The following FBXO25 variants were observed in gnomAD, a reference collection of about 807,000 sequenced individuals.
FBXO25 encodes F-box only protein 25.
FBXO25 carries 45 observed loss-of-function variants against 51.9 expected under a neutral mutation model. That is an observed-to-expected ratio of 0.87 (90% CI 0.68 to 1.11). FBXO25 has a LOEUF of 1.11. FBXO25 is among the 50% of genes most tolerant of loss of function. The pLI is 0.00. For synonymous variants in FBXO25, 199 were observed against 151.0 expected (o/e 1.32, Z -2.33); for missense variants, 507 against 428.5 (o/e 1.18, Z -1.62).
intron 7 of FBXO25, among the ~76,000 whole-genome samples, chr8:453,961 T>G (rs1406950176): frequency 6.6e-6 from 1 of 152,050 alleles, no homozygotes; most frequent in East Asian, 1.9e-4. Flanking sequence ...CTGTCTTTAC[T>G]AAAAATACAA....
chr8:457,026 T>TGC (rs147095439), intron 7 of FBXO25, among the ~76,000 whole-genome samples: 5,990 of 152,276 alleles, frequency 0.039, 330 homozygotes, highest in African/African-American at 0.12. Flanking sequence ...GTGCTTTGTG[T>TGC]GCAGTAGGAT....
chr8:453,492 A>G (rs1269575432), intron 7 of FBXO25, among the ~76,000 whole-genome samples: 8 of 152,176 alleles, frequency 5.3e-5, no homozygotes, highest in Admixed American at 1.3e-4. Flanking sequence ...TGAAACCAGT[A>G]GAAAGAGCAC....
chr8:407,511 G>A lies in FBXO25; in HGVS notation c.-8+445G>A, dbSNP rs910667581. 9.1e-5 allele frequency: 83 copies of A among 907,496 alleles called. 2 individuals carry two copies. The African/African-American group carries it at 1.5e-3, about 16-fold the overall frequency. The allele number at this position is 907,496 out of a possible 1,614,324, so 56.2% of individuals were successfully genotyped here. ...GGGGCCGCCCACAGGTGCACCGCGCGTCCTCAGCCGCTTCCCCTGCCCACC... is the reference window on the plus strand; with the variant it reads ...GGGGCCGCCCACAGGTGCACCGCGCATCCTCAGCCGCTTCCCCTGCCCACC... On this transcript the variant is annotated intron_variant, in intron 1 of 9. Transcript: ENST00000350302.
intron 2 of FBXO25, among the ~76,000 whole-genome samples, chr8:419,269 T>C (rs1398663355): frequency 2.1e-4 from 32 of 151,856 alleles, no homozygotes. Context: ...CTCAGGAAGC[T>C]GAGTCATGAG....
rs1800488466 is a variant in FBXO25, at chr8:471,620, C to G, written c.*2816C>G. 6.6e-6 allele frequency: 1 copy of G among 152,228 alleles called. No homozygotes were observed. The highest frequency in any genetic ancestry group is 1.5e-5 in the Non-Finnish European group (1 of 68,030). 9.4% of individuals were successfully genotyped at this position (152,228 alleles called of 1,614,324 possible). A position where few individuals can be genotyped will look rare whatever the true frequency, so the allele number is the denominator to read the frequency against. On this transcript the variant is annotated 3_prime_UTR_variant, in exon 10 of 10. Transcript: ENST00000350302. ...GATAGAATCTCCAGTCATTCTCGGACCTGTTCTCAGTCTGCGCTGCTCACT... is the reference window on the plus strand; with the variant it reads ...GATAGAATCTCCAGTCATTCTCGGAGCTGTTCTCAGTCTGCGCTGCTCACT...
intron 2 of FBXO25, among the ~76,000 whole-genome samples, chr8:426,271 AT>A (rs1220491754): frequency 3.3e-5 from 5 of 152,194 alleles, no homozygotes; most frequent in African/African-American, 1.2e-4. Flanking sequence ...CTCATAAAAA[AT>A]ATGTGTGACT....
intron 2 of FBXO25, among the ~76,000 whole-genome samples, chr8:413,884 T>C (rs990426767): frequency 2.0e-5 from 3 of 152,204 alleles, no homozygotes; most frequent in African/African-American, 7.2e-5. Flanking sequence ...AACCAGAGAC[T>C]GCATGAGCAC....
intron 5 of FBXO25, among the ~76,000 whole-genome samples, chr8:447,182 C>T (rs192069441): frequency 2.7e-4 from 41 of 152,294 alleles, no homozygotes; most frequent in African/African-American, 9.6e-4. Context: ...GGGAGGACCA[C>T]TGACAGCAAA....
chr8:460,692 TCACA>T (rs1033140337), intron 8 of FBXO25, among the ~76,000 whole-genome samples: 1 of 152,202 alleles, frequency 6.6e-6, no homozygotes, highest in African/African-American at 2.4e-5. Context: ...AACACTGGTG[TCACA>T]CACAGTCAGT....
At chr8:410,178 T>C (rs931284821) in intron 1 of FBXO25, among the ~76,000 whole-genome samples, 2 of 152,200 alleles carry the variant, frequency 1.3e-5, no homozygotes, top group Non-Finnish European at 2.9e-5. Flanking sequence ...AGTTACAAGA[T>C]TGTGGACATA....
intron 2 of FBXO25, among the ~76,000 whole-genome samples, chr8:426,756 G>C (rs1430808062): frequency 2.6e-5 from 4 of 151,680 alleles, no homozygotes; most frequent in Non-Finnish European, 5.9e-5. Flanking sequence ...TCTGTGCACA[G>C]TGCAGTTGCT....
chr8:428,203 G>C (rs555227229), intron 2 of FBXO25, among the ~76,000 whole-genome samples: 19 of 152,146 alleles, frequency 1.2e-4, no homozygotes, highest in Admixed American at 3.9e-4. Context: ...CCTGTCCTTG[G>C]GATTGTCAGA....
intron 2 of FBXO25, among the ~76,000 whole-genome samples, chr8:429,637 G>T (rs186079807): frequency 1.2e-4 from 19 of 152,294 alleles, no homozygotes; most frequent in Admixed American, 3.9e-4. Flanking sequence ...TTACCTGACA[G>T]TGTAAAACCC....
intron 8 of FBXO25, among the ~76,000 whole-genome samples, chr8:459,138 T>G (rs972145099): frequency 6.6e-6 from 1 of 152,272 alleles, no homozygotes. Context: ...CTGCAGAAAC[T>G]GGGGGTTCCC....
chr8:465,927 A>G (rs1392644236), intron 9 of FBXO25, among the ~76,000 whole-genome samples: 1 of 152,166 alleles, frequency 6.6e-6, no homozygotes, highest in Non-Finnish European at 1.5e-5. Context: ...GTATTTAGTG[A>G]ACTTTGTTAT....
chr8:414,391 G>A (rs1021352657), intron 2 of FBXO25, among the ~76,000 whole-genome samples: 23 of 152,110 alleles, frequency 1.5e-4, no homozygotes, highest in African/African-American at 5.5e-4. Context: ...GAAATGTCAG[G>A]TGTCTCACAT....
chr8:454,755 G>A (rs1799309544), intron 7 of FBXO25, among the ~76,000 whole-genome samples: 2 of 152,022 alleles, frequency 1.3e-5, no homozygotes, highest in Non-Finnish European at 2.9e-5. Context: ...GCCGGGCGTG[G>A]TGGGACGTGC....
chr8:406,982 T>G lies in FBXO25; in HGVS notation c.-92T>G, dbSNP rs1381022223. 6.6e-6 allele frequency: 1 copy of G among 152,092 alleles called. No individual in the cohort carries two copies. The highest frequency in any genetic ancestry group is 6.5e-5 in the Admixed American group (1 of 15,274). 9.4% of individuals were successfully genotyped at this position (152,092 alleles called of 1,614,324 possible). On this transcript the variant is annotated 5_prime_UTR_variant, in exon 1 of 10. Transcript: ENST00000350302. ...CAATAACCGCCTGGTCGCCGTCAGG[T>G]GCGGGCCCAGGTGGCCGGCGCGCCC...
At chr8:435,132 T>C (rs1367778558) in intron 4 of FBXO25, among the ~76,000 whole-genome samples, 1 of 152,124 alleles carries the variant, frequency 6.6e-6, no homozygotes, top group Non-Finnish European at 1.5e-5. Flanking sequence ...TGGAGAGAAA[T>C]CCCATGTTAT....
Sources: gnomAD v4.1 joint callset for allele counts (sites outside exome capture counted in the v4.1 genomes callset) on GRCh38, gnomAD v4.1.1 for gene constraint, MANE v1.5 for transcripts, NCBI Gene and HGNC (gene_info 2026-07-23, HGNC 2026-07-21) for gene names.